Variants in KAT2B observed in about 807,000 individuals in gnomAD.
KAT2B encodes the protein histone acetyltransferase KAT2B.
A neutral mutation model predicts 105.9 loss-of-function variants in KAT2B; 36 were observed. The ratio of observed to expected loss-of-function variants is 0.34; its 90% confidence interval spans 0.26 to 0.45. The LOEUF (loss-of-function observed/expected upper bound fraction) is 0.45. KAT2B is among the 20% of genes least tolerant of loss of function. The pLI is 1.00. For missense variants in KAT2B, 820 were observed against 1,021.6 expected, an observed-to-expected ratio of 0.80 and a Z score of 2.69; for synonymous variants, 397 against 377.9, an observed-to-expected ratio of 1.05 and a Z score of -0.59.
chr3:20,143,293 T>C (rs1267523809), intron 13 of KAT2B, among the ~76,000 whole-genome samples: 2 of 152,172 alleles, frequency 1.3e-5, no homozygotes, highest in Admixed American at 1.3e-4. Flanking sequence ...ACAATGAAAA[T>C]ATCTCCTTTC....
At chr3:20,055,802 C>T (rs1438828186) in intron 1 of KAT2B, among the ~76,000 whole-genome samples, 1 of 152,172 alleles carries the variant, frequency 6.6e-6, no homozygotes, top group East Asian at 1.9e-4. Context: ...TCTGCCTGCT[C>T]CTTGCCATTC....
chr3:20,105,790 G>C (rs182539870), intron 5 of KAT2B, among the ~76,000 whole-genome samples: 1 of 122,608 alleles, frequency 8.2e-6, no homozygotes, highest in East Asian at 2.1e-4. Context: ...GACAGAGCAC[G>C]ACCCTGTCTG....
intron 4 of KAT2B, among the ~76,000 whole-genome samples, chr3:20,100,219 T>G (rs1027671783): frequency 1.3e-5 from 2 of 152,182 alleles, no homozygotes; most frequent in African/African-American, 4.8e-5. Context: ...AACATGTAGT[T>G]TGTAAGAAGA....
intron 1 of KAT2B, among the ~76,000 whole-genome samples, chr3:20,065,446 G>A (rs1698207077): frequency 6.6e-6 from 1 of 152,158 alleles, no homozygotes; most frequent in South Asian, 2.1e-4. Flanking sequence ...TTATCTCGAA[G>A]AACAGTGGCC....
At position 20,095,477 on chromosome 3, in the gene KAT2B, T is replaced by C. The variant is rs568721863; in HGVS notation, c.576+69T>C. Reference sequence around the variant, plus strand: ...ATGTACCCAGTCTCCATATGCCAGGTCGTGGCTGTGAAGGCTTTCAGCTCC... The same window carrying C: ...ATGTACCCAGTCTCCATATGCCAGGCCGTGGCTGTGAAGGCTTTCAGCTCC... On this transcript the variant is annotated intron_variant, in intron 3 of 17. Coordinates refer to ENST00000263754, the MANE Select transcript of KAT2B (RefSeq NM_003884.5). 3.8e-5 allele frequency: 42 copies of C among 1,119,864 alleles called. No individual in the cohort carries two copies. The African/African-American group carries it at 6.3e-4, about 17-fold the overall frequency. The allele number at this position is 1,119,864 out of a possible 1,614,324, so 69.4% of individuals were successfully genotyped here. A position where few individuals can be genotyped will look rare whatever the true frequency, so the allele number is the denominator to read the frequency against.
chr3:20,147,830 T>G, intron 14 of KAT2B, 133 bp from the exon 15 acceptor site: 1 of 757,732 alleles, frequency 1.3e-6, no homozygotes, highest in South Asian at 1.8e-5. Context: ...TAATTGCCAT[T>G]AATTTCAGTC....
chr3:20,072,406 A>C lies in KAT2B; in HGVS notation c.377A>C (p.Gln126Pro). The C allele has an allele frequency of 6.2e-7, 1 of 1,613,892 alleles. No individual in the cohort carries two copies. Among genetic ancestry groups the C allele is most frequent in the Non-Finnish European group, 8.5e-7 (1 of 1,179,754 alleles). Residue 126 changes from glutamine (Q) to proline (P), a missense_variant, in exon 2 of 18, where the codon CAG (glutamine) becomes CCG (proline). Physicochemically the swap from Gln to Pro is moderately conservative, Grantham distance 76 (BLOSUM62 -1). Around this residue, in one of 6 missense-constraint regions of KAT2B, gnomAD observed 190 missense variants for 176.7 expected, o/e 1.08. Transcript: ENST00000263754. ...PSPTPPRADL[Q>P]QIIVSLTESC... Reference sequence around the variant, plus strand: ...CCCACTCCCCCCAGAGCCGACCTGCAGCAAATAATTGTCAGTCTAACAGAA... The same window carrying C: ...CCCACTCCCCCCAGAGCCGACCTGCCGCAAATAATTGTCAGTCTAACAGAA...
At chr3:20,118,754 G>C (rs1262569485) in intron 7 of KAT2B, among the ~76,000 whole-genome samples, 3 of 140,164 alleles carry the variant, frequency 2.1e-5, no homozygotes, top group African/African-American at 7.9e-5. Flanking sequence ...AAAAGAGAGA[G>C]AGCGAACTAT....
At chr3:20,081,653 G>A (rs903918550) in intron 2 of KAT2B, among the ~76,000 whole-genome samples, 1 of 152,070 alleles carries the variant, frequency 6.6e-6, no homozygotes, top group Non-Finnish European at 1.5e-5. Context: ...GGTAATTAGT[G>A]TATATCAATG....
intron 1 of KAT2B, among the ~76,000 whole-genome samples, chr3:20,053,362 C>T (rs955749842): frequency 6.6e-6 from 1 of 152,026 alleles, no homozygotes; most frequent in South Asian, 2.1e-4. Context: ...ATAATGAGAC[C>T]CCATCTCTAT....
At chr3:20,115,183 C>T (rs1213551658) in intron 7 of KAT2B, among the ~76,000 whole-genome samples, 195 bp downstream of exon 7, 1 of 152,194 alleles carries the variant, frequency 6.6e-6, no homozygotes. Context: ...CTCAGTCTGA[C>T]CTCTTAATCT....
chr3:20,108,279 A>ACTT (rs34081141), intron 5 of KAT2B, among the ~76,000 whole-genome samples: 96,369 of 151,682 alleles, frequency 0.64, 31,124 homozygotes, highest in African/African-American at 0.76. Context: ...TAAAAGTTAA[A>ACTT]CTCAGTCATA....
Position 20,140,324 on chromosome 3 carries a change from C to T in KAT2B, c.1964C>T (p.Pro655Leu), listed in dbSNP as rs772125502. 1.4e-5 allele frequency: 23 copies of T among 1,613,638 alleles called. No homozygotes were observed. The highest frequency in any genetic ancestry group is 6.7e-5 in the East Asian group (3 of 44,896). Residue 655 changes from proline (P) to leucine (L), a missense_variant, in exon 13 of 18, where the codon CCG (proline) becomes CTG (leucine). This residue lies in a region of KAT2B where 227 missense variants were observed against 292.9 expected (regional missense o/e 0.77). Transcript: ENST00000263754. ...LMGCELNPRI[P>L]YTEFSVIIKK... ...GGATGTGAGCTAAATCCACGGATCC[C>T]GTACACAGAATTTTCTGTCATCATT...
intron 1 of KAT2B, among the ~76,000 whole-genome samples, chr3:20,061,877 T>C (rs1256754936): frequency 3.3e-5 from 4 of 122,726 alleles, no homozygotes; most frequent in East Asian, 2.5e-4. Context: ...ATATAATATA[T>C]TTGTATAAAA....
At chr3:20,051,965 A>G (rs969272220) in intron 1 of KAT2B, among the ~76,000 whole-genome samples, 3 of 152,190 alleles carry the variant, frequency 2.0e-5, no homozygotes, top group Admixed American at 6.5e-5. Flanking sequence ...CTGCTCAGGT[A>G]CCTCCTGTTC....
chr3:20,111,721 A>G lies in KAT2B; in HGVS notation c.977A>G (p.Gln326Arg). 1 of 1,614,120 alleles carries G rather than the reference A, an allele frequency of 6.2e-7. No homozygotes were observed. The highest frequency in any genetic ancestry group is 8.5e-7 in the Non-Finnish European group (1 of 1,179,980). The change falls in exon 6 of 18, where the codon CAA becomes CGA. Residue 326 changes from glutamine (Q) to arginine (R), a missense_variant. Physicochemically the swap from Gln to Arg is conservative, Grantham distance 43. This residue lies in a region of KAT2B where 173 missense variants were observed against 249.5 expected (regional missense o/e 0.69). Transcript: ENST00000263754. ...FTVMRRQLLEQARQEKDKLPL... is the reference protein window; with the variant it reads ...FTVMRRQLLERARQEKDKLPL... ...GTTATGAGGCGACAACTCCTGGAAC[A>G]AGCAAGACAGGAAAAAGATAAACTG... is the stretch of plus-strand genomic sequence containing the variant.
At chr3:20,047,839 C>T (rs1302310520) in intron 1 of KAT2B, among the ~76,000 whole-genome samples, 1 of 152,068 alleles carries the variant, frequency 6.6e-6, no homozygotes, top group Non-Finnish European at 1.5e-5. Flanking sequence ...TGGTCTCAAA[C>T]TCCTGACCTC....
chr3:20,100,835 GTTGT>G (rs1698897609), intron 4 of KAT2B, among the ~76,000 whole-genome samples: 1 of 152,108 alleles, frequency 6.6e-6, no homozygotes, highest in African/African-American at 2.4e-5. Flanking sequence ...TTAAATTTTA[GTTGT>G]TTAGTTCAGT....
At position 20,119,663 on chromosome 3, in the gene KAT2B, C is replaced by G; in HGVS notation, c.1216C>G (p.Pro406Ala). Residue 406 changes from proline to alanine, a missense_variant, in exon 8 of 18, where the codon CCA (proline) becomes GCA (alanine). Transcript: ENST00000263754. ...TTCAACCTCATCTTCCCTTGAGCAG[C>G]CAAACGCAGGGAGCAGCAGTCCTGC... ...YNSTSSSLEQ[P>A]NAGSSSPACK... 1 of 1,614,082 alleles carries G rather than the reference C, an allele frequency of 6.2e-7. No homozygotes were observed. The highest frequency in any genetic ancestry group is 8.5e-7 in the Non-Finnish European group (1 of 1,179,976).
Sources: gnomAD v4.1 joint callset for allele counts (sites outside exome capture counted in the v4.1 genomes callset) on GRCh38, gnomAD v4.1.1 for gene constraint, gnomAD v4.1.1 regional missense constraint, MANE v1.5 for transcripts, NCBI Gene and HGNC (gene_info 2026-07-23, HGNC 2026-07-21) for gene names.